Variants in ERO1A observed in about 807,000 individuals in gnomAD.
ERO1A encodes the protein endoplasmic reticulum oxidoreductase 1 alpha, also known as ERO1-like protein alpha.
In ERO1A, 49 loss-of-function variants were observed where a neutral mutation model predicts 76.9. The observed-to-expected ratio is 0.64, with a 90% CI of 0.51 to 0.81. The LOEUF (loss-of-function observed/expected upper bound fraction) is 0.81. ERO1A is among the 30% of genes least tolerant of loss of function. The pLI, the probability that ERO1A is intolerant of heterozygous loss-of-function variation, is 0.00. For missense variants in ERO1A, 448 were observed against 542.1 expected (o/e 0.83, Z 1.72); for synonymous variants, 174 against 181.2 (o/e 0.96, Z 0.32).
rs2039449229 is a variant in ERO1A at position 52,640,954 on chromosome 14, T to C, written c.*2616A>G. On this transcript the variant is annotated 3_prime_UTR_variant, in exon 16 of 16. Transcript: ENST00000395686. ...GGATTTAGGAACTGCTGAATTAAAA[T>C]TACCCAAGCGTGAGAAGTGGTGTTG... The C allele has an allele frequency of 6.6e-6, 1 of 151,436 alleles. No homozygotes were observed. Among genetic ancestry groups the C allele is most frequent in the East Asian group, 1.9e-4 (1 of 5,136 alleles). The allele number at this position is 151,436 out of a possible 1,614,324, so 9.4% of individuals were successfully genotyped here. A position where few individuals can be genotyped will look rare whatever the true frequency, so the allele number is the denominator to read the frequency against.
intron 9 of ERO1A, among the ~76,000 whole-genome samples, chr14:52,659,186 G>A (rs1208534968): frequency 6.6e-6 from 1 of 151,846 alleles, no homozygotes; most frequent in Non-Finnish European, 1.5e-5. Context: ...ATGCTAAAGT[G>A]CCCCCTTAAA....
intron 11 of ERO1A, among the ~76,000 whole-genome samples, chr14:52,655,221 C>T (rs2040004177): frequency 6.6e-6 from 1 of 151,998 alleles, no homozygotes; most frequent in Non-Finnish European, 1.5e-5. Flanking sequence ...AAAAATCAGC[C>T]GGGCGTGGTG....
chr14:52,660,719 A>C (rs996142722), intron 9 of ERO1A, among the ~76,000 whole-genome samples: 1 of 152,240 alleles, frequency 6.6e-6, no homozygotes, highest in African/African-American at 2.4e-5. Context: ...ACCTAGATAG[A>C]CTAAAGCTAA....
rs1174739597 is a variant in ERO1A, at chr14:52,641,300, T to G, written c.*2270A>C. ...GGTAAGAATATTCCTTCAAAAAGAT[T>G]GGCAGCTAAAAAAAAAAGAGGCCGG... On this transcript the variant is annotated 3_prime_UTR_variant, in exon 16 of 16. Transcript: ENST00000395686. The G allele has an allele frequency of 6.6e-6, 1 of 151,098 alleles. No individual in the cohort carries two copies. The highest frequency in any genetic ancestry group is 2.4e-5 in the African/African-American group (1 of 41,038). 9.4% of individuals were successfully genotyped at this position (151,098 alleles called of 1,614,324 possible). A position where few individuals can be genotyped will look rare whatever the true frequency, so the allele number is the denominator to read the frequency against.
chr14:52,683,684 A>G, intron 2 of ERO1A, 104 bp downstream of exon 2: 1 of 527,142 alleles, frequency 1.9e-6, no homozygotes. Context: ...TAAAGCCTAT[A>G]TCAATTTTAA....
At chr14:52,650,898 G>A (rs954492324) in intron 13 of ERO1A, among the ~76,000 whole-genome samples, 22 of 152,168 alleles carry the variant, frequency 1.4e-4, no homozygotes, top group African/African-American at 5.1e-4. Context: ...TGACCAGACC[G>A]CATTCCGTGG....
intron 2 of ERO1A, among the ~76,000 whole-genome samples, chr14:52,683,202 C>A (rs1330697613): frequency 1.3e-5 from 2 of 151,548 alleles, no homozygotes; most frequent in Non-Finnish European, 2.9e-5. Flanking sequence ...AAGCAAGATT[C>A]TGTCTCAAAA....
chr14:52,675,116 G>T (rs1254175003), intron 4 of ERO1A, among the ~76,000 whole-genome samples: 1 of 152,190 alleles, frequency 6.6e-6, no homozygotes, highest in African/African-American at 2.4e-5. Flanking sequence ...GGGCACGGTG[G>T]CTCACACCTG....
chr14:52,658,939 T>C (rs1193380668), intron 9 of ERO1A, among the ~76,000 whole-genome samples: 5 of 152,180 alleles, frequency 3.3e-5, no homozygotes, highest in Non-Finnish European at 7.4e-5. Flanking sequence ...CAGTGTTTTC[T>C]ACTAAAGTTG....
At chr14:52,682,804 C>T (rs574168775) in intron 2 of ERO1A, among the ~76,000 whole-genome samples, 185 of 151,760 alleles carry the variant, frequency 1.2e-3, no homozygotes, top group African/African-American at 4.4e-3. Flanking sequence ...GAGGCTGAGG[C>T]AGGAGAATCA....
intron 8 of ERO1A, among the ~76,000 whole-genome samples, chr14:52,662,174 AACAT>A (rs935541820): frequency 9.9e-5 from 15 of 152,268 alleles, no homozygotes; most frequent in African/African-American, 3.6e-4. Context: ...CCTAATGATA[AACAT>A]TTAAATTGTT....
At chr14:52,659,060 A>C (rs767426609) in intron 9 of ERO1A, among the ~76,000 whole-genome samples, 28 of 152,218 alleles carry the variant, frequency 1.8e-4, no homozygotes, top group Non-Finnish European at 2.4e-4. Flanking sequence ...TCTATTTGTC[A>C]GAACACTTCA....
At chr14:52,670,429 G>C (rs1227745106) in intron 6 of ERO1A, among the ~76,000 whole-genome samples, 2 of 152,100 alleles carry the variant, frequency 1.3e-5, no homozygotes, top group African/African-American at 2.4e-5. Flanking sequence ...CACCAGGTTG[G>C]AGTGCAATGG....
chr14:52,646,552 G>A, intron 13 of ERO1A, 91 bp from the exon 14 acceptor site: 1 of 957,486 alleles, frequency 1.0e-6, no homozygotes, highest in East Asian at 2.5e-5. Context: ...CTAACACTGT[G>A]CAAGGTACTA....
intron 9 of ERO1A, among the ~76,000 whole-genome samples, chr14:52,658,874 T>C (rs1214256939): frequency 6.6e-6 from 1 of 152,146 alleles, no homozygotes; most frequent in Non-Finnish European, 1.5e-5. Flanking sequence ...GAAATAATCA[T>C]ACAACTCTGT....
intron 13 of ERO1A, 22 bp downstream of exon 13, chr14:52,652,217 C>T: frequency 7.2e-7 from 1 of 1,386,740 alleles, no homozygotes; most frequent in Non-Finnish European, 1.0e-6. Context: ...TTGTATCTAA[C>T]AGTTAAGTAT....
At chr14:52,656,969 G>C (rs10141298) in intron 11 of ERO1A, among the ~76,000 whole-genome samples, 116 of 152,236 alleles carry the variant, frequency 7.6e-4, no homozygotes, top group African/African-American at 2.6e-3. Flanking sequence ...GGTAGGACTT[G>C]GCTCAGGAGG....
At chr14:52,686,409 A>G (rs10483615) in intron 1 of ERO1A, among the ~76,000 whole-genome samples, 20,860 of 152,146 alleles carry the variant, frequency 0.14, 1,634 homozygotes, top group South Asian at 0.26. Flanking sequence ...AGCAAGCAGC[A>G]AAGGTAAACA....
chr14:52,663,679 T>C, intron 8 of ERO1A, 122 bp downstream of exon 8: 1 of 602,098 alleles, frequency 1.7e-6, no homozygotes, highest in East Asian at 2.9e-5. Context: ...CATAACTCTA[T>C]GGAAACAGGA....
Sources: gnomAD v4.1 joint callset for allele counts (sites outside exome capture counted in the v4.1 genomes callset) on GRCh38, gnomAD v4.1.1 for gene constraint, MANE v1.5 for transcripts, NCBI Gene and HGNC (gene_info 2026-07-23, HGNC 2026-07-21) for gene names.